Variants in GLIS3 observed in about 807,000 individuals in gnomAD.
GLIS3 encodes the protein zinc finger protein GLIS3.
In GLIS3, 53 loss-of-function variants were observed where a neutral mutation model predicts 78.6. That is an observed-to-expected ratio of 0.67 (90% confidence interval 0.54 to 0.85). The LOEUF (loss-of-function observed/expected upper bound fraction) is 0.85, where lower values mean the gene tolerates loss of function less well. Among genes scored for constraint, GLIS3 ranks in the 40% least tolerant of loss-of-function variants. The probability of loss-of-function intolerance (pLI) is 0.00; values close to 1 mark genes in which losing one functional copy is unlikely to be tolerated. For synonymous variants in GLIS3, 684 were observed against 509.9 expected (o/e 1.34, Z -4.60); for missense variants, 1,703 against 1,231.1 (o/e 1.38, Z -5.74).
chr9:4,125,652 G>GTGTGTT, intron 3 of GLIS3, 82 bp downstream of exon 3: 1 of 869,726 alleles, frequency 1.1e-6, no homozygotes, highest in Non-Finnish European at 1.9e-6. Context: ...GTGTGTGTGT[G>GTGTGTT]TGTATTCAGA....
intron 2 of GLIS3, among the ~76,000 whole-genome samples, chr9:4,324,227 C>T (rs1193857798): frequency 6.6e-6 from 1 of 152,230 alleles, no homozygotes; most frequent in Non-Finnish European, 1.5e-5. Context: ...AAATGGGCTA[C>T]ATAAAACTTG....
intron 2 of GLIS3, among the ~76,000 whole-genome samples, chr9:4,136,927 C>T (rs951563329): frequency 6.6e-6 from 1 of 152,156 alleles, no homozygotes; most frequent in African/African-American, 2.4e-5. Flanking sequence ...CCAACTAAAC[C>T]AAATGATGCT....
the GLIS3 span, among the ~76,000 whole-genome samples, chr9:4,384,079 C>T: frequency 2.0e-5 from 3 of 152,214 alleles, no homozygotes; most frequent in Admixed American, 1.3e-4. Flanking sequence ...TTATTTCCCA[C>T]TTGGTACTGA....
At chr9:3,889,550 TA>T (rs1470468465) in intron 7 of GLIS3, among the ~76,000 whole-genome samples, 1 of 152,232 alleles carries the variant, frequency 6.6e-6, no homozygotes, top group Non-Finnish European at 1.5e-5. Context: ...TACATGATCC[TA>T]AACTGTCTTA....
chr9:4,367,795 CATTT>C, the GLIS3 span, among the ~76,000 whole-genome samples: 1 of 152,170 alleles, frequency 6.6e-6, no homozygotes, highest in Admixed American at 6.5e-5. Flanking sequence ...AAAGAAGAGA[CATTT>C]ATTATATGCC....
At chr9:4,453,677 G>T in the GLIS3 span, among the ~76,000 whole-genome samples, 3 of 152,138 alleles carry the variant, frequency 2.0e-5, no homozygotes, top group African/African-American at 4.8e-5. Flanking sequence ...CATAAACAAG[G>T]ATGAGTTCAT....
chr9:4,355,347 C>T, the GLIS3 span, among the ~76,000 whole-genome samples: 5 of 152,160 alleles, frequency 3.3e-5, no homozygotes, highest in East Asian at 5.8e-4. Flanking sequence ...AGGCAGGGCT[C>T]ATTTAGGCAA....
In GLIS3 at chr9:4,175,713, C is replaced by A. The variant is rs185489525; in HGVS notation, c.389-49772G>T. Among the ~76,000 whole-genome samples the A allele has an allele frequency of 1.7e-4, 26 of 152,264 alleles. No individual in the cohort carries two copies. The East Asian group carries it at 4.8e-3, about 28-fold the overall frequency. On this transcript the variant is annotated intron_variant, in intron 2 of 10. Transcript: ENST00000381971. ...CCAAGTACTTTCCCCCATACATAACCACCATAACGCTGGGAGAAGGCCCAG... is the reference window on the plus strand; with the variant it reads ...CCAAGTACTTTCCCCCATACATAACAACCATAACGCTGGGAGAAGGCCCAG...
intron 4 of GLIS3, among the ~76,000 whole-genome samples, chr9:4,028,868 G>T (rs1031325056): frequency 5.9e-5 from 9 of 152,254 alleles, no homozygotes; most frequent in African/African-American, 2.2e-4. Context: ...GGTAATAAAT[G>T]TTGCCAGGAC....
At chr9:4,353,687 A>G in the GLIS3 span, among the ~76,000 whole-genome samples, 2 of 152,226 alleles carry the variant, frequency 1.3e-5, no homozygotes, top group African/African-American at 4.8e-5. Context: ...AGATAGAGCC[A>G]GATCCCTCCC....
intron 4 of GLIS3, among the ~76,000 whole-genome samples, chr9:3,952,515 C>T (rs2130848643): frequency 6.6e-6 from 1 of 152,252 alleles, no homozygotes; most frequent in East Asian, 1.9e-4. Context: ...GCTTAACAGC[C>T]CACTCCTGGG....
At chr9:3,925,441 T>C (rs1175950149) in intron 6 of GLIS3, among the ~76,000 whole-genome samples, 1 of 152,194 alleles carries the variant, frequency 6.6e-6, no homozygotes, top group Non-Finnish European at 1.5e-5. Flanking sequence ...ATAATGCTGA[T>C]GAGAAAAAAA....
chr9:4,268,887 G>A (rs10974424), intron 2 of GLIS3, among the ~76,000 whole-genome samples: 32,316 of 151,814 alleles, frequency 0.21, 3,625 homozygotes, highest in Admixed American at 0.25. Flanking sequence ...CCAGCACTAG[G>A]GCAGTAGCTG....
chr9:4,119,849 T>G (rs998534688), intron 3 of GLIS3, among the ~76,000 whole-genome samples: 3 of 152,264 alleles, frequency 2.0e-5, no homozygotes, highest in African/African-American at 7.2e-5. Context: ...TGTGACATTG[T>G]TGCCTTGAAA....
At position 4,269,614 on chromosome 9, in the gene GLIS3, G is replaced by A. The variant is rs368179280; in HGVS notation, c.388+16424C>T. ...TAACTACATCATTATGTGTTCCAGT[G>A]TAGTTGGGCTGGAGTATTTTCATAT... On this transcript the variant is annotated intron_variant, in intron 2 of 10. Coordinates refer to ENST00000381971, the MANE Select transcript of GLIS3 (RefSeq NM_001042413.2). 1.9e-4 allele frequency among the ~76,000 whole-genome samples: 29 copies of A among 152,276 alleles called. No homozygotes were observed. The East Asian group carries it at 2.3e-3, about 12-fold the overall frequency.
intron 2 of GLIS3, among the ~76,000 whole-genome samples, chr9:4,158,813 G>A (rs879344041): frequency 3.3e-5 from 5 of 152,102 alleles, no homozygotes; most frequent in African/African-American, 1.2e-4. Context: ...TCAAATAAGC[G>A]TAAGTGCCAT....
chr9:3,912,883 A>G (rs573725034), intron 6 of GLIS3, among the ~76,000 whole-genome samples: 1 of 152,334 alleles, frequency 6.6e-6, no homozygotes, highest in East Asian at 1.9e-4. Context: ...TCAAAGCAAG[A>G]TGAAGGGTTT....
At chr9:4,357,767 C>T in the GLIS3 span, among the ~76,000 whole-genome samples, 1 of 152,096 alleles carries the variant, frequency 6.6e-6, no homozygotes, top group African/African-American at 2.4e-5. Context: ...ACAGAAATAC[C>T]TGGACATGGT....
chr9:4,358,539 T>C, the GLIS3 span, among the ~76,000 whole-genome samples: 3 of 152,164 alleles, frequency 2.0e-5, no homozygotes, highest in Admixed American at 6.5e-5. Context: ...TTCCAGCACG[T>C]TTCTAGTTGC....
Sources: allele counts gnomAD v4.1 joint callset (sites outside exome capture counted in the v4.1 genomes callset), GRCh38; gene constraint gnomAD v4.1.1; transcripts MANE v1.5; gene names NCBI Gene and HGNC (gene_info 2026-07-23, HGNC 2026-07-21).